The following PSD3 variants were observed in gnomAD, a reference collection of about 807,000 sequenced individuals.
The protein encoded by PSD3 is PH and SEC7 domain-containing protein 3.
A neutral mutation model predicts 105.5 loss-of-function variants in PSD3; 49 were observed. The ratio of observed to expected loss-of-function variants is 0.46; its 90% CI spans 0.37 to 0.59. The LOEUF (loss-of-function observed/expected upper bound fraction) is 0.59, where lower values mean the gene tolerates loss of function less well. Ranked by LOEUF, PSD3 falls within the 20% of genes least tolerant of loss-of-function variation. PSD3 has a pLI of 0.00. For synonymous variants in PSD3, 557 were observed against 457.8 expected, an observed-to-expected ratio of 1.22 and a Z score of -2.77; for missense variants, 1,561 against 1,263.8, an observed-to-expected ratio of 1.24 and a Z score of -3.57.
intron 3 of PSD3, among the ~76,000 whole-genome samples, chr8:18,870,453 T>A (rs1242047814): frequency 1.3e-5 from 2 of 151,990 alleles, no homozygotes; most frequent in Non-Finnish European, 2.9e-5. Flanking sequence ...ATAAAGGCCA[T>A]AAATCTCATA....
At chr8:18,870,277 A>G (rs1817237583) in intron 3 of PSD3, among the ~76,000 whole-genome samples, 1 of 152,208 alleles carries the variant, frequency 6.6e-6, no homozygotes, top group African/African-American at 2.4e-5. Context: ...GGCTGACAGA[A>G]GAAAAGATGG....
At chr8:18,648,774 G>A (rs1808248703) in intron 10 of PSD3, among the ~76,000 whole-genome samples, 1 of 152,198 alleles carries the variant, frequency 6.6e-6, no homozygotes, top group African/African-American at 2.4e-5. Context: ...CAGTCCCCGG[G>A]AAGTTTCACT....
intron 9 of PSD3, among the ~76,000 whole-genome samples, chr8:18,669,663 G>T (rs917251987): frequency 1.3e-5 from 2 of 152,338 alleles, no homozygotes; most frequent in East Asian, 3.9e-4. Flanking sequence ...CGGATGGCAT[G>T]AGATTTAAAA....
At chr8:18,571,490 T>G (rs1260265479) in intron 14 of PSD3, among the ~76,000 whole-genome samples, 1 of 152,150 alleles carries the variant, frequency 6.6e-6, no homozygotes, top group African/African-American at 2.4e-5. Flanking sequence ...GTCCCTTCCT[T>G]GAACCTCCAC....
chr8:18,580,022 T>C (rs1054441408), intron 12 of PSD3, among the ~76,000 whole-genome samples: 3 of 152,242 alleles, frequency 2.0e-5, no homozygotes, highest in African/African-American at 7.2e-5. Context: ...AAATTGTCTA[T>C]TAATTCATGG....
At chr8:18,576,218 C>T (rs1444545552) in intron 12 of PSD3, among the ~76,000 whole-genome samples, 1 of 152,076 alleles carries the variant, frequency 6.6e-6, no homozygotes, top group South Asian at 2.1e-4. Flanking sequence ...CAAATTGAGT[C>T]AAAAATAATC....
At chr8:18,665,501 T>C (rs1162197976) in intron 9 of PSD3, among the ~76,000 whole-genome samples, 1 of 152,190 alleles carries the variant, frequency 6.6e-6, no homozygotes, top group Non-Finnish European at 1.5e-5. Context: ...TTTCCTGAGA[T>C]GGAAACTACC....
At chr8:18,564,487 G>C (rs925901584) in intron 14 of PSD3, among the ~76,000 whole-genome samples, 2 of 152,234 alleles carry the variant, frequency 1.3e-5, no homozygotes, top group East Asian at 3.9e-4. Flanking sequence ...ACATTAGCTG[G>C]GCATGGTGGT....
intron 1 of PSD3, among the ~76,000 whole-genome samples, chr8:18,950,449 CA>C (rs1163273639): frequency 6.6e-6 from 1 of 151,918 alleles, no homozygotes; most frequent in Non-Finnish European, 1.5e-5. Context: ...CAATAGAGCT[CA>C]AAAAAGAAAC....
At chr8:18,885,779 A>G (rs1015673446) in intron 2 of PSD3, among the ~76,000 whole-genome samples, 15 of 152,202 alleles carry the variant, frequency 9.9e-5, no homozygotes, top group African/African-American at 2.7e-4. Context: ...GTTGAAAGTC[A>G]GTTTCCATGG....
intron 11 of PSD3, among the ~76,000 whole-genome samples, chr8:18,602,034 G>A (rs1804475860): frequency 6.6e-6 from 1 of 152,172 alleles, no homozygotes; most frequent in South Asian, 2.1e-4. Context: ...ATTTTAAAAT[G>A]TGGGTAATTC....
chr8:18,994,723 T>C (rs546839194), intron 1 of PSD3, among the ~76,000 whole-genome samples: 11 of 151,968 alleles, frequency 7.2e-5, no homozygotes, highest in Non-Finnish European at 1.5e-4. Flanking sequence ...TTTTTTTTAA[T>C]GTGGCTACTA....
At chr8:18,724,951 C>G (rs1409462837) in intron 9 of PSD3, among the ~76,000 whole-genome samples, 3 of 151,978 alleles carry the variant, frequency 2.0e-5, no homozygotes, top group Non-Finnish European at 4.4e-5. Context: ...ATTAGTGGCT[C>G]AGAAAAGAAA....
chr8:19,078,066 C>T (rs68151349), intron 1 of PSD3, among the ~76,000 whole-genome samples: 62,349 of 151,840 alleles, frequency 0.41, 13,110 homozygotes, highest in South Asian at 0.5. Context: ...AGTCTTGCTC[C>T]GTTGCCCAGG....
At chr8:18,639,583 T>A (rs182993541) in intron 10 of PSD3, among the ~76,000 whole-genome samples, 11 of 152,266 alleles carry the variant, frequency 7.2e-5, no homozygotes, top group Admixed American at 6.5e-4. Context: ...GAAAGAAATC[T>A]GGACACAGAC....
At chr8:18,910,937 A>T (rs1453923356) in intron 2 of PSD3, among the ~76,000 whole-genome samples, 3 of 150,902 alleles carry the variant, frequency 2.0e-5, no homozygotes, top group Non-Finnish European at 2.9e-5. Context: ...AAATTCAAAA[A>T]AATAAAAAAA....
chr8:18,785,733 C>T (rs545282568), intron 8 of PSD3, among the ~76,000 whole-genome samples: 80 of 152,140 alleles, frequency 5.3e-4, no homozygotes, highest in Non-Finnish European at 8.5e-4. Context: ...CAAAGCGAGA[C>T]GTATGAAACT....
rs563113475 is a variant in PSD3, at chr8:18,740,396, T to G, written c.2172+25053A>C. 2.6e-5 allele frequency among the ~76,000 whole-genome samples: 4 copies of G among 152,284 alleles called. No individual in the cohort carries two copies. The East Asian group carries it at 7.7e-4, about 29-fold the overall frequency. On this transcript the variant is annotated intron_variant, in intron 9 of 15. Coordinates refer to ENST00000327040, the MANE Select transcript of PSD3 (RefSeq NM_015310.4). ...TCTGACAGCTTGCAGTGACCTTCCC[T>G]AGCTACAAAGAGAAAACTGTGTTGG...
chr8:18,582,456 T>A (rs1297902165), intron 12 of PSD3, among the ~76,000 whole-genome samples: 1 of 152,154 alleles, frequency 6.6e-6, no homozygotes, highest in Non-Finnish European at 1.5e-5. Context: ...TCCTCCTTTC[T>A]CTTCCTCCTA....
Sources: gnomAD v4.1 joint callset for allele counts (sites outside exome capture counted in the v4.1 genomes callset) on GRCh38, gnomAD v4.1.1 for gene constraint, MANE v1.5 for transcripts, NCBI Gene and HGNC (gene_info 2026-07-23, HGNC 2026-07-21) for gene names.